The following ABCB11 variants were observed in gnomAD, a reference collection of about 807,000 sequenced individuals.
ABCB11 encodes the protein ATP binding cassette subfamily B member 11, also known as bile salt export pump.
ABCB11 carries 95 observed loss-of-function variants against 148.0 expected under a neutral mutation model. The observed-to-expected ratio is 0.64, with a 90% CI of 0.54 to 0.76. The LOEUF (loss-of-function observed/expected upper bound fraction) is 0.76. Ranked by LOEUF, ABCB11 falls within the 30% of genes least tolerant of loss-of-function variation. The pLI is 0.00. For missense variants in ABCB11, 1,523 were observed against 1,617.8 expected (o/e 0.94, Z 1.01); for synonymous variants, 591 against 555.4 (o/e 1.06, Z -0.90).
In ABCB11 at chr2:168,958,051, C is replaced by A. The variant is rs1401892400; in HGVS notation, c.2256G>T (p.Trp752Cys). Reference protein sequence around the residue: ...RRILKFSAPEWPYMLVGSVGA... With the variant: ...RRILKFSAPECPYMLVGSVGA... ...CCACAGACCCTACCAGCATGTAGGG[C>A]CATTCTGGAGCACTGAATTTCAGAA... Residue 752 changes from tryptophan (W) to cysteine (C), a missense_variant, in exon 19 of 28, where the codon TGG (tryptophan) becomes TGT (cysteine). Physicochemically the swap from Trp to Cys is radical, Grantham distance 215. Transcript: ENST00000650372. The A allele has an allele frequency of 6.2e-7, 1 of 1,611,140 alleles. No individual in the cohort carries two copies. Among genetic ancestry groups the A allele is most frequent in the African/African-American group, 1.3e-5 (1 of 74,672 alleles).
chr2:168,939,639 C>T (rs1691975635), intron 21 of ABCB11, among the ~76,000 whole-genome samples: 1 of 151,848 alleles, frequency 6.6e-6, no homozygotes, highest in South Asian at 2.1e-4. Flanking sequence ...TCTCAATGAG[C>T]TCTAGCTAAT....
At chr2:168,942,886 G>A (rs1458032384) in intron 21 of ABCB11, among the ~76,000 whole-genome samples, 1 of 151,814 alleles carries the variant, frequency 6.6e-6, no homozygotes, top group South Asian at 2.1e-4. Context: ...CACAATGGGA[G>A]GAAACATTTC....
At chr2:168,918,101 AT>A, downstream of ABCB11, among the ~76,000 whole-genome samples, 1 of 152,152 alleles carries the variant, frequency 6.6e-6, no homozygotes, top group African/African-American at 2.4e-5. Flanking sequence ...AGTGGCCCAT[AT>A]TATATTTCTG....
At chr2:169,018,560 C>T (rs894083349) in intron 1 of ABCB11, among the ~76,000 whole-genome samples, 10 of 152,128 alleles carry the variant, frequency 6.6e-5, no homozygotes, top group African/African-American at 1.7e-4. Context: ...AGTTGATGAA[C>T]GACACCCACA....
At chr2:168,933,156 T>C (rs1663040912) in intron 23 of ABCB11, among the ~76,000 whole-genome samples, 5 of 151,514 alleles carry the variant, frequency 3.3e-5, no homozygotes, top group Admixed American at 3.3e-4. Flanking sequence ...GAAAAAGACT[T>C]CTGAAAAAAT....
chr2:168,944,089 T>A (rs1039805869), intron 21 of ABCB11, among the ~76,000 whole-genome samples: 6 of 151,976 alleles, frequency 3.9e-5, no homozygotes, highest in Non-Finnish European at 8.8e-5. Flanking sequence ...CACAGCTCTG[T>A]CTACCTTAAT....
At chr2:168,915,764 A>G (rs1174515752) in intron 2 of ABCB11, among the ~76,000 whole-genome samples, 7 of 152,252 alleles carry the variant, frequency 4.6e-5, no homozygotes, top group Admixed American at 4.6e-4. Context: ...GACAGCCTGC[A>G]TAGGGCCTTG....
At chr2:168,961,672 G>A (rs1023113283) in intron 18 of ABCB11, among the ~76,000 whole-genome samples, 6 of 151,654 alleles carry the variant, frequency 4.0e-5, no homozygotes, top group Non-Finnish European at 8.8e-5. Context: ...ATCTGACCCC[G>A]TTTACAGGAG....
intron 19 of ABCB11, among the ~76,000 whole-genome samples, chr2:168,952,202 G>A (rs1039355511): frequency 6.6e-5 from 10 of 151,564 alleles, no homozygotes; most frequent in Non-Finnish European, 1.5e-5. Context: ...TTTTTGTGAT[G>A]TCCTAGTCTG....
rs1461054847 is a variant in ABCB11 at position 169,008,223 on chromosome 2, A to G, written c.389+5049T>C. 3.9e-5 allele frequency among the ~76,000 whole-genome samples: 6 copies of G among 152,128 alleles called. No homozygotes were observed. The East Asian group carries it at 1.2e-3, about 29-fold the overall frequency. On this transcript the variant is annotated intron_variant, in intron 5 of 27. Transcript: ENST00000650372. ...AGATGTATCCCCTCACATGCCCAAA[A>G]TCAGCTTCGCTGGGTGGAAATCAAG...
At chr2:168,952,691 G>GGTTTTTTTTTTTTTTT (rs1692622335) in intron 19 of ABCB11, among the ~76,000 whole-genome samples, 1 of 41,922 alleles carries the variant, frequency 2.4e-5, no homozygotes, top group Admixed American at 2.7e-4. Flanking sequence ...TTTTTTTTTT[G>GGTTTTTTTTTTTTTTT]TTTGTTTCTA....
At chr2:168,935,458 G>A in intron 22 of ABCB11, 33 bp from the exon 23 acceptor site, 2 of 1,590,006 alleles carry the variant, frequency 1.3e-6, no homozygotes, top group Non-Finnish European at 1.7e-6. Flanking sequence ...AGGAATACAA[G>A]GGCAGAAATA....
intron 10 of ABCB11, among the ~76,000 whole-genome samples, chr2:168,984,530 G>A (rs1003729287): frequency 6.6e-6 from 1 of 152,056 alleles, no homozygotes; most frequent in African/African-American, 2.4e-5. Context: ...GTTCAGTTAA[G>A]GCTGTTATTG....
Position 168,958,000 on chromosome 2 carries a change from T to C in ABCB11, c.2307A>G (p.Thr769=), listed in dbSNP as rs1574431715. Residue 769 remains threonine (T), a synonymous_variant, in exon 19 of 28, where the codon ACA becomes ACG. Transcript: ENST00000650372. ...GGCTGAATAAAAAGGCATACAAGGG[T>C]GTGACTGTCCCGTTCACAGCTGCAC... is the stretch of plus-strand genomic sequence containing the variant. ...SVGAAVNGTV[T]PLYAFLFSQI... The C allele has an allele frequency of 6.2e-7, 1 of 1,605,720 alleles. No homozygotes were observed. The highest frequency in any genetic ancestry group is 8.5e-7 in the Non-Finnish European group (1 of 1,173,972).
intron 1 of ABCB11, among the ~76,000 whole-genome samples, chr2:169,027,872 T>G (rs1458428735): frequency 6.6e-6 from 1 of 151,942 alleles, no homozygotes; most frequent in Non-Finnish European, 1.5e-5. Flanking sequence ...GGATCAATAC[T>G]AGCAATTGGC....
At chr2:168,953,060 C>T (rs1468911708) in intron 19 of ABCB11, among the ~76,000 whole-genome samples, 1 of 151,482 alleles carries the variant, frequency 6.6e-6, no homozygotes, top group Non-Finnish European at 1.5e-5. Flanking sequence ...TTCACTGTGG[C>T]CTGAGAAGAT....
chr2:168,935,554 G>C (rs1038148073), intron 22 of ABCB11, 129 bp from the exon 23 acceptor site: 31 of 1,249,630 alleles, frequency 2.5e-5, no homozygotes, highest in African/African-American at 4.5e-5. Flanking sequence ...GCATCATCTG[G>C]GAATACAAAG....
At chr2:168,941,377 T>G (rs530646987) in intron 21 of ABCB11, among the ~76,000 whole-genome samples, 1 of 152,146 alleles carries the variant, frequency 6.6e-6, no homozygotes, top group Non-Finnish European at 1.5e-5. Context: ...AAATAGGTGC[T>G]TGAAAGAAGT....
intron 19 of ABCB11, among the ~76,000 whole-genome samples, chr2:168,954,700 T>C (rs1223039491): frequency 6.6e-6 from 1 of 151,724 alleles, no homozygotes; most frequent in Non-Finnish European, 1.5e-5. Flanking sequence ...TAATATATAA[T>C]GGTGAATTCC....
Sources: gnomAD v4.1 joint callset for allele counts (sites outside exome capture counted in the v4.1 genomes callset) on GRCh38, gnomAD v4.1.1 for gene constraint, MANE v1.5 for transcripts, NCBI Gene and HGNC (gene_info 2026-07-23, HGNC 2026-07-21) for gene names.